CCDC7: variants seen among roughly 807,000 people sequenced by gnomAD.
CCDC7 encodes the protein coiled-coil domain-containing protein 7.
CCDC7 carries 183 observed loss-of-function variants against 196.9 expected under a neutral mutation model. The ratio of observed to expected loss-of-function variants is 0.93; its 90% confidence interval spans 0.82 to 1.05. The LOEUF is 1.05. Among genes scored for constraint, CCDC7 ranks in the 50% least tolerant of loss-of-function variants. CCDC7 has a pLI of 0.00. For missense variants in CCDC7, 1,540 were observed against 1,482.2 expected, an observed-to-expected ratio of 1.04 and a Z score of -0.64; for synonymous variants, 525 against 484.6, an observed-to-expected ratio of 1.08 and a Z score of -1.10.
upstream of CCDC7, among the ~76,000 whole-genome samples, chr10:32,444,849 T>C (rs1254513323): frequency 1.7e-5 from 2 of 120,512 alleles, no homozygotes; most frequent in Admixed American, 7.7e-5. Context: ...TATGCCTTCA[T>C]GTTTTTTTTT....
chr10:32,702,182 C>T (rs1399757630), intron 24 of CCDC7, among the ~76,000 whole-genome samples: 1 of 152,114 alleles, frequency 6.6e-6, no homozygotes, highest in Admixed American at 6.5e-5. Context: ...CCTCTACACA[C>T]TGCTTTGAAT....
At chr10:32,634,610 T>C (rs1299110156) in intron 19 of CCDC7, among the ~76,000 whole-genome samples, 1 of 152,140 alleles carries the variant, frequency 6.6e-6, no homozygotes, top group African/African-American at 2.4e-5. Flanking sequence ...TTGATCAGGC[T>C]GGTCTCGAAC....
intron 28 of CCDC7, among the ~76,000 whole-genome samples, chr10:32,756,104 A>C (rs1162880126): frequency 1.3e-5 from 2 of 152,230 alleles, no homozygotes; most frequent in Non-Finnish European, 2.9e-5. Context: ...ATATGGGACT[A>C]TGGGAAAAGA....
rs140065419 is a variant in CCDC7 at position 32,805,019 on chromosome 10, T to C, written c.3018T>C (p.Thr1006=). The C allele has an allele frequency of 1.4e-5, 23 of 1,596,708 alleles. No individual in the cohort carries two copies. The African/African-American group carries it at 2.8e-4, about 20-fold the overall frequency. ...TAAATCCATCTATTTCTATAGAGAC[T>C]GATATAGAAAGCTTGAGAGGTGCTT... The change falls in exon 30 of 42, where the codon ACT becomes ACC. Residue 1006 remains threonine (T), a synonymous_variant. Coordinates refer to ENST00000639629, the Ensembl canonical transcript of CCDC7.
Position 32,592,873 on chromosome 10 carries a change from A to T in CCDC7, c.1801+8569A>T, listed in dbSNP as rs1193929448. Among the ~76,000 whole-genome samples the T allele has an allele frequency of 2.6e-5, 4 of 152,344 alleles. No homozygotes were observed. The East Asian group carries it at 5.8e-4, about 22-fold the overall frequency. On this transcript the variant is annotated intron_variant, in intron 18 of 41. Transcript: ENST00000639629. ...CTTCATCCATGTCCCTATAAAGGAC[A>T]TGAACTCATCCTTTTTTATGGCTGC...
chr10:32,543,323 A>T, exon 12 of CCDC7: 1 of 1,462,546 alleles, frequency 6.8e-7, no homozygotes, highest in Non-Finnish European at 9.2e-7. Flanking sequence ...CAAATAATCG[A>T]ACAAAGAAAG....
chr10:32,718,424 T>C (rs565716912), intron 25 of CCDC7, among the ~76,000 whole-genome samples: 1 of 152,130 alleles, frequency 6.6e-6, no homozygotes, highest in Admixed American at 6.6e-5. Context: ...TCATACTGAG[T>C]GGGCAACAGC....
chr10:32,536,439 A>G (rs1029341455), intron 11 of CCDC7, among the ~76,000 whole-genome samples: 1 of 152,072 alleles, frequency 6.6e-6, no homozygotes, highest in Non-Finnish European at 1.5e-5. Context: ...GCTTTTTGAG[A>G]CTTGAGTCTT....
At chr10:32,563,094 G>C (rs61856041) in intron 13 of CCDC7, among the ~76,000 whole-genome samples, 52,121 of 151,656 alleles carry the variant, frequency 0.34, 11,360 homozygotes, top group Non-Finnish European at 0.49. Context: ...ACTTACAAGG[G>C]ATGTGAAGGA....
chr10:32,703,458 C>T (rs1463305643), intron 24 of CCDC7, among the ~76,000 whole-genome samples: 1 of 151,998 alleles, frequency 6.6e-6, no homozygotes, highest in Admixed American at 6.6e-5. Flanking sequence ...TTTTTTCCTT[C>T]ATTTCTACTT....
chr10:32,783,786 T>C (rs1474312047), intron 29 of CCDC7, among the ~76,000 whole-genome samples: 2 of 152,248 alleles, frequency 1.3e-5, no homozygotes, highest in Non-Finnish European at 2.9e-5. Flanking sequence ...ATATGGTATA[T>C]ACATACAATG....
intron 23 of CCDC7, among the ~76,000 whole-genome samples, chr10:32,694,274 A>C (rs887167762): frequency 6.6e-6 from 1 of 152,168 alleles, no homozygotes; most frequent in South Asian, 2.1e-4. Context: ...TGTATAGCTC[A>C]CATTTATTTT....
intron 11 of CCDC7, among the ~76,000 whole-genome samples, chr10:32,535,454 A>G (rs773974369): frequency 8.5e-5 from 13 of 152,296 alleles, no homozygotes; most frequent in African/African-American, 2.4e-4. Context: ...TGAAGTATAC[A>G]TTGGTTTCGT....
At chr10:32,759,349 C>T (rs571172413) in intron 28 of CCDC7, among the ~76,000 whole-genome samples, 3 of 152,260 alleles carry the variant, frequency 2.0e-5, no homozygotes, top group South Asian at 2.1e-4. Flanking sequence ...AACTATACTA[C>T]AAGGCTACAG....
At chr10:32,707,660 G>A (rs1275813288) in intron 24 of CCDC7, among the ~76,000 whole-genome samples, 3 of 151,798 alleles carry the variant, frequency 2.0e-5, no homozygotes, top group Admixed American at 6.6e-5. Context: ...AATCACAAAC[G>A]TTCCTACACA....
intron 41 of CCDC7, among the ~76,000 whole-genome samples, chr10:32,870,282 G>A (rs1345552618): frequency 5.3e-5 from 8 of 152,070 alleles, no homozygotes; most frequent in Non-Finnish European, 7.4e-5. Context: ...ACTGAGCAGT[G>A]GTTTGTAGTT....
At chr10:32,473,268 G>A (rs933989723) in intron 7 of CCDC7, among the ~76,000 whole-genome samples, 2 of 152,154 alleles carry the variant, frequency 1.3e-5, no homozygotes, top group Non-Finnish European at 2.9e-5. Context: ...ACTTTAAAGG[G>A]TGAATAGGAT....
At chr10:32,808,798 G>A (rs557047619) in intron 30 of CCDC7, among the ~76,000 whole-genome samples, 5 of 120,032 alleles carry the variant, frequency 4.2e-5, no homozygotes, top group Admixed American at 9.4e-5. Flanking sequence ...AAGAAATGAT[G>A]GACATCACTG....
chr10:32,572,050 A>T (rs1419612855), intron 16 of CCDC7, among the ~76,000 whole-genome samples, 157 bp downstream of exon 17: 1 of 152,154 alleles, frequency 6.6e-6, no homozygotes, highest in African/African-American at 2.4e-5. Context: ...TCAAAGTTAG[A>T]AGAGTTGATG....
Sources: allele counts gnomAD v4.1 joint callset (sites outside exome capture counted in the v4.1 genomes callset), GRCh38; gene constraint gnomAD v4.1.1; transcripts MANE v1.5; gene names NCBI Gene and HGNC (gene_info 2026-07-23, HGNC 2026-07-21).